Variants in JAG2 observed in about 807,000 individuals in gnomAD.
JAG2 encodes the protein jagged canonical Notch ligand 2.
In JAG2, 46 loss-of-function variants were observed where a neutral mutation model predicts 141.7. The ratio of observed to expected loss-of-function variants is 0.32; its 90% CI spans 0.26 to 0.42. JAG2 has a LOEUF of 0.42. Ranked by LOEUF, JAG2 falls within the 10% of genes least tolerant of loss-of-function variation. JAG2 has a pLI of 1.00. For synonymous variants in JAG2, 862 were observed against 763.5 expected, an observed-to-expected ratio of 1.13 and a Z score of -2.13; for missense variants, 1,500 against 1,817.5, an observed-to-expected ratio of 0.83 and a Z score of 3.18.
At chr14:105,146,288 TC>T in intron 22 of JAG2, 96 bp downstream of exon 22, 1 of 1,112,770 alleles carries the variant, frequency 9.0e-7, no homozygotes, top group Non-Finnish European at 1.4e-6. Flanking sequence ...TCTCAGTCCA[TC>T]CGGACCCCAG....
intron 2 of JAG2, among the ~76,000 whole-genome samples, chr14:105,162,161 C>T (rs587706250): frequency 2.6e-5 from 4 of 152,188 alleles, no homozygotes; most frequent in African/African-American, 9.6e-5. Flanking sequence ...GAGAGGAACC[C>T]AGGCCCTCCC....
chr14:105,143,719 C>CCACACTGGAGCAAGGTGGG (rs1888135674), intron 24 of JAG2, 81 bp from the exon 25 acceptor site: 1 of 1,551,456 alleles, frequency 6.4e-7, no homozygotes. Flanking sequence ...GAGGCCCTGG[C>CCACACTGGAGCAAGGTGGG]CACACTGGAG....
At position 105,157,342 on chromosome 14, in the gene JAG2, G is replaced by A. The variant is rs190136942; in HGVS notation, c.475+364C>T. Among the ~76,000 whole-genome samples the A allele has an allele frequency of 5.6e-4, 85 of 152,248 alleles. 2 individuals are homozygous for A. Among genetic ancestry groups the A allele is most frequent in the Middle Eastern group, 6.8e-3 (2 of 294 alleles). On this transcript the variant is annotated intron_variant, in intron 3 of 25. Coordinates refer to ENST00000331782, the MANE Select transcript of JAG2 (RefSeq NM_002226.5). ...CGTTACCCCTGCAGGGCCCTGCAGA[G>A]CCCCTGCCTCAGGGAGAGGGCCACC...
chr14:105,155,190 T>A (rs184249522), intron 5 of JAG2, among the ~76,000 whole-genome samples: 110 of 151,768 alleles, frequency 7.2e-4, no homozygotes, highest in Non-Finnish European at 1.5e-3. Context: ...GCCCCTCGCC[T>A]GCTGGTGTCA....
At position 105,167,979 on chromosome 14, in the gene JAG2, G is replaced by C; in HGVS notation, c.195C>G (p.Asp65Glu). ...RTTRAGGCGH[D>E]ECDTYVRVCL... is the part of the protein sequence containing the mutation. ...ACACGCGCACGTACGTGTCGCACTC[G>C]TCGTGGCCGCAGCCCCCCGCGCGCG... Residue 65 changes from aspartate (D) to glutamate (E), a missense_variant, in exon 2 of 26, where the codon GAC becomes GAG. This residue lies in a region of JAG2 where 200 missense variants were observed against 174.3 expected (regional missense o/e 1.15). Transcript: ENST00000331782. This position sits in a 1 kb window ranked among gnomAD's most constrained non-coding sequence, Gnocchi z 4.8. The C allele has an allele frequency of 6.2e-7, 1 of 1,603,376 alleles. No homozygotes were observed. Among genetic ancestry groups the C allele is most frequent in the South Asian group, 1.1e-5 (1 of 90,678 alleles).
chr14:105,144,396 G>T (rs953102725), intron 24 of JAG2, among the ~76,000 whole-genome samples: 4 of 151,700 alleles, frequency 2.6e-5, no homozygotes, highest in African/African-American at 7.3e-5. Flanking sequence ...AACACTGCAC[G>T]TCCTTCCTGT....
In JAG2 at chr14:105,167,416, C is replaced by A. The variant is rs1341165726; in HGVS notation, c.417+341G>T. On this transcript the variant is annotated intron_variant, in intron 2 of 25. Coordinates refer to ENST00000331782, the MANE Select transcript of JAG2 (RefSeq NM_002226.5). The surrounding 1 kb of genome is among the most constrained non-coding windows in gnomAD (Gnocchi z 4.8). ...CCAGCACGCGCTGCGCACATGCCAC[C>A]GCGGCCTGCCCGGGACCGGGGCGCC... is the stretch of plus-strand genomic sequence containing the variant. Among the ~76,000 whole-genome samples, 1 of 152,006 alleles carries A rather than the reference C, an allele frequency of 6.6e-6. No homozygotes were observed. The highest frequency in any genetic ancestry group is 2.4e-5 in the African/African-American group (1 of 41,420).
intron 2 of JAG2, among the ~76,000 whole-genome samples, chr14:105,160,587 T>C (rs587661575): frequency 4.0e-5 from 6 of 151,704 alleles, no homozygotes; most frequent in Admixed American, 3.3e-4. Context: ...GGCCAACGGG[T>C]CACAGTGGCT....
Position 105,157,594 on chromosome 14 carries a change from C to A in JAG2, c.475+112G>T, listed in dbSNP as rs181689007. 2.8e-5 allele frequency: 30 copies of A among 1,062,164 alleles called. 2 individuals are homozygous for A. The African/African-American group carries it at 3.3e-4, about 12-fold the overall frequency. The allele number at this position is 1,062,164 out of a possible 1,614,324, so 65.8% of individuals were successfully genotyped here. Reference sequence around the variant, plus strand: ...CCAAAGCAAAAAGGGAAACAGCACACATGATCCTCAGGGTAAAGCAAGGCT... The same window carrying A: ...CCAAAGCAAAAAGGGAAACAGCACAAATGATCCTCAGGGTAAAGCAAGGCT... On this transcript the variant is annotated intron_variant, in intron 3 of 25. Transcript: ENST00000331782.
Position 105,143,611 on chromosome 14 carries a change from C to A in JAG2, c.3112G>T (p.Asp1038Tyr), listed in dbSNP as rs1888131908. 6.2e-7 allele frequency: 1 copy of A among 1,608,174 alleles called. No homozygotes were observed. Residue 1038 changes from aspartate to tyrosine, a missense_variant, in exon 25 of 26, where the codon GAC (aspartate) becomes TAC (tyrosine). Asp to Tyr is a radical substitution (Grantham distance 160, BLOSUM62 -3). Coordinates refer to ENST00000331782, the MANE Select transcript of JAG2 (RefSeq NM_002226.5). Reference sequence around the variant, plus strand: ...GCCGCGCCCTGGATCAGGCTGCTGTCAGGCAGGTCCCTGGCAGGGCTGAAG... The same window carrying A: ...GCCGCGCCCTGGATCAGGCTGCTGTAAGGCAGGTCCCTGGCAGGGCTGAAG... ...VSFSPARDLP[D>Y]SSLIQGAAHA...
At chr14:105,144,885 G>A (rs763639021) in intron 24 of JAG2, 45 bp downstream of exon 24, 70 of 1,587,658 alleles carry the variant, frequency 4.4e-5, no homozygotes, top group Admixed American at 4.3e-4. Context: ...TGCATAGTAC[G>A]GGACCCAGGG....
At chr14:105,145,204 G>C (rs587602899) in intron 23 of JAG2, 143 bp from the exon 24 acceptor site, 1 of 1,169,792 alleles carries the variant, frequency 8.5e-7, no homozygotes, top group East Asian at 2.5e-5. Context: ...GGCCTGGGGG[G>C]GCAGCTTCCC....
Position 105,167,355 on chromosome 14 carries a change from C to G in JAG2, c.417+402G>C, listed in dbSNP as rs1888947414. On this transcript the variant is annotated intron_variant, in intron 2 of 25. Transcript: ENST00000331782. The surrounding 1 kb of genome is among the most constrained non-coding windows in gnomAD (Gnocchi z 4.8). ...GGCAGGCGCAGGCTGGCCACGGGCC[C>G]GGGGCGGCTCAGTCAGGGCCTGCCC... 6.6e-6 allele frequency among the ~76,000 whole-genome samples: 1 copy of G among 152,050 alleles called. No homozygotes were observed. The highest frequency in any genetic ancestry group is 1.5e-5 in the Non-Finnish European group (1 of 67,964).
intron 12 of JAG2, 122 bp downstream of exon 12, chr14:105,150,482 C>T (rs1888387441): frequency 9.9e-6 from 10 of 1,012,102 alleles, no homozygotes; most frequent in East Asian, 2.6e-5. Context: ...GAGCCTGGGA[C>T]GCCTTGGGGA....
At chr14:105,155,470 T>G in intron 5 of JAG2, 92 bp downstream of exon 5, 2 of 1,451,228 alleles carry the variant, frequency 1.4e-6, no homozygotes, top group Non-Finnish European at 1.9e-6. Flanking sequence ...TCCAGCCAGC[T>G]CCGGGCGACT....
At position 105,147,519 on chromosome 14, in the gene JAG2, C is replaced by A; in HGVS notation, c.2374G>T (p.Asp792Tyr). The change falls in exon 19 of 26, where the codon GAC (aspartate) becomes TAC (tyrosine). Residue 792 changes from aspartate to tyrosine, a missense_variant. Asp to Tyr is a radical substitution (Grantham distance 160, BLOSUM62 -3). Coordinates refer to ENST00000331782, the MANE Select transcript of JAG2 (RefSeq NM_002226.5). ...EGRTCTHNTN[D>Y]CNPLPCYNGG... is the part of the protein sequence containing the mutation. ...ACTCACCAAGGCAGAGGGTTGCAGTCGTTGGTATCTGGTTTGGGAGAAGAG... is the reference window on the plus strand; with the variant it reads ...ACTCACCAAGGCAGAGGGTTGCAGTAGTTGGTATCTGGTTTGGGAGAAGAG... 6.2e-7 allele frequency: 1 copy of A among 1,612,206 alleles called. No homozygotes were observed. Among genetic ancestry groups the A allele is most frequent in the South Asian group, 1.1e-5 (1 of 91,036 alleles).
chr14:105,149,127 CT>C (rs1888328198), intron 13 of JAG2, 38 bp from the exon 14 acceptor site: 1 of 1,580,830 alleles, frequency 6.3e-7, no homozygotes, highest in Non-Finnish European at 8.6e-7. Context: ...AGGCCCGCCC[CT>C]GCCCCACCAC....
chr14:105,152,618 C>T (rs771477710), intron 5 of JAG2, among the ~76,000 whole-genome samples: 2 of 150,016 alleles, frequency 1.3e-5, no homozygotes, highest in South Asian at 2.1e-4. Flanking sequence ...ATGAGAATGC[C>T]GGCTCGGACT....
intron 12 of JAG2, 78 bp downstream of exon 12, chr14:105,150,526 G>T: frequency 1.4e-6 from 2 of 1,408,142 alleles, no homozygotes; most frequent in Non-Finnish European, 1.9e-6. Flanking sequence ...GGTCACTCAG[G>T]CCCCATGGTC....
Sources: allele counts gnomAD v4.1 joint callset (sites outside exome capture counted in the v4.1 genomes callset), GRCh38; gene constraint gnomAD v4.1.1; regional missense constraint gnomAD v4.1.1; non-coding constraint Gnocchi (gnomAD v3.1); transcripts MANE v1.5; gene names NCBI Gene and HGNC (gene_info 2026-07-23, HGNC 2026-07-21).